GPR161: variants seen among roughly 807,000 people sequenced by gnomAD.
The protein encoded by GPR161 is G-protein coupled receptor RE2.
Under a neutral mutation model 39.2 loss-of-function variants are expected in GPR161, and 25 were observed. The ratio of observed to expected loss-of-function variants is 0.64; its 90% CI spans 0.47 to 0.89. The LOEUF (loss-of-function observed/expected upper bound fraction) is 0.89, where lower values mean the gene tolerates loss of function less well. Ranked by LOEUF, GPR161 falls within the 40% of genes least tolerant of loss-of-function variation. The pLI, the probability that GPR161 is intolerant of heterozygous loss-of-function variation, is 0.00. For missense variants in GPR161, 547 were observed against 677.8 expected (o/e 0.81, Z 2.14); for synonymous variants, 286 against 276.6 (o/e 1.03, Z -0.34).
At chr1:168,087,334 G>GTGTGT (rs1558085252) in intron 5 of GPR161, among the ~76,000 whole-genome samples, 1 of 148,684 alleles carries the variant, frequency 6.7e-6, no homozygotes, top group African/African-American at 2.5e-5. Context: ...AACACGTGTG[G>GTGTGT]GTGTGTGTGT....
At chr1:168,119,622 C>T (rs1427851463) in intron 1 of GPR161, among the ~76,000 whole-genome samples, 1 of 152,124 alleles carries the variant, frequency 6.6e-6, no homozygotes, top group Non-Finnish European at 1.5e-5. Context: ...TACCACTCAA[C>T]TGTGCACTTA....
rs1282345106 is a variant in GPR161 at position 168,083,316 on chromosome 1, C to T, written c.*2215G>A. 1 of 152,158 alleles carries T rather than the reference C, an allele frequency of 6.6e-6. No homozygotes were observed. Among genetic ancestry groups the T allele is most frequent in the Non-Finnish European group, 1.5e-5 (1 of 68,056 alleles). The allele number at this position is 152,158 out of a possible 1,614,324, so 9.4% of individuals were successfully genotyped here. A position where few individuals can be genotyped will look rare whatever the true frequency, so the allele number is the denominator to read the frequency against. On this transcript the variant is annotated 3_prime_UTR_variant, in exon 6 of 6. Coordinates refer to ENST00000682931, the MANE Select transcript of GPR161 (RefSeq NM_001375883.1). ...AGATTTAGATTAAATTCTATAATAG[C>T]CCAGCTAGTGTGGGGTCAGTGGGGG...
chr1:168,113,434 C>T (rs1697385809), intron 1 of GPR161, among the ~76,000 whole-genome samples: 1 of 152,230 alleles, frequency 6.6e-6, no homozygotes, highest in Non-Finnish European at 1.5e-5. Context: ...ATTGTGGTCA[C>T]TCCTCTTTTG....
chr1:168,135,642 T>G (rs1699297839), intron 1 of GPR161, among the ~76,000 whole-genome samples: 1 of 147,296 alleles, frequency 6.8e-6, no homozygotes. Flanking sequence ...AGAACTCATC[T>G]GGAGGTCCAG....
chr1:168,103,159 C>T (rs1487852887), intron 2 of GPR161, among the ~76,000 whole-genome samples: 1 of 152,134 alleles, frequency 6.6e-6, no homozygotes, highest in Non-Finnish European at 1.5e-5. Flanking sequence ...TTATATACCT[C>T]CACAGGATGG....
At chr1:168,113,041 C>A (rs1224217455) in intron 1 of GPR161, among the ~76,000 whole-genome samples, 1 of 152,168 alleles carries the variant, frequency 6.6e-6, no homozygotes, top group African/African-American at 2.4e-5. Context: ...CAAGCCCCAG[C>A]AAATCCCTCA....
At chr1:168,110,676 CACTTTGG>C (rs1697092841) in intron 1 of GPR161, among the ~76,000 whole-genome samples, 1 of 151,962 alleles carries the variant, frequency 6.6e-6, no homozygotes. Context: ...GTAATCCCAG[CACTTTGG>C]GAGGCTGAGG....
chr1:168,084,544 ACCAGG>A lies in GPR161; in HGVS notation c.*982_*986del, dbSNP rs1253726627. Reference sequence around the variant, plus strand: ...CCAGGGCTGCTTCTATCTTATTTATACCAGGCTTGTGATAATAGTAACTGTTGCTC... The same window carrying A: ...CCAGGGCTGCTTCTATCTTATTTATACTTGTGATAATAGTAACTGTTGCTC... On this transcript the variant is annotated 3_prime_UTR_variant, in exon 6 of 6. Coordinates refer to ENST00000682931, the MANE Select transcript of GPR161 (RefSeq NM_001375883.1). 2 of 349,122 alleles carry A rather than the reference ACCAGG, an allele frequency of 5.7e-6. No individual in the cohort carries two copies. Among genetic ancestry groups the A allele is most frequent in the African/African-American group, 4.3e-5 (2 of 46,500 alleles). 21.6% of individuals were successfully genotyped at this position (349,122 alleles called of 1,614,324 possible).
At chr1:168,116,677 T>C (rs558458333) in intron 1 of GPR161, among the ~76,000 whole-genome samples, 2 of 152,228 alleles carry the variant, frequency 1.3e-5, no homozygotes, top group East Asian at 3.9e-4. Context: ...CCTTCATCCT[T>C]CCCTGGCACT....
intron 1 of GPR161, among the ~76,000 whole-genome samples, chr1:168,132,650 C>A (rs1699088229): frequency 6.6e-6 from 1 of 151,796 alleles, no homozygotes; most frequent in South Asian, 2.1e-4. Flanking sequence ...TTTTAATGCC[C>A]TATGTAGAAC....
chr1:168,096,020 G>A (rs1695489882), intron 3 of GPR161, among the ~76,000 whole-genome samples: 1 of 151,162 alleles, frequency 6.6e-6, no homozygotes, highest in Non-Finnish European at 1.5e-5. Flanking sequence ...TATAATCCCA[G>A]CTACTTGGGA....
At position 168,085,004 on chromosome 1, in the gene GPR161, G is replaced by C. The variant is rs1479236567; in HGVS notation, c.*527C>G. The C allele has an allele frequency of 2.2e-6, 1 of 456,374 alleles. No individual in the cohort carries two copies. Among genetic ancestry groups the C allele is most frequent in the Admixed American group, 2.3e-5 (1 of 42,582 alleles). 28.3% of individuals were successfully genotyped at this position (456,374 alleles called of 1,614,324 possible). On this transcript the variant is annotated 3_prime_UTR_variant, in exon 6 of 6. Transcript: ENST00000682931. Reference sequence around the variant, plus strand: ...CTCTGCGGACCAGTCCTAGAACTGAGGGTCCCACACTGCCCGCATCAACCA... The same window carrying C: ...CTCTGCGGACCAGTCCTAGAACTGACGGTCCCACACTGCCCGCATCAACCA...
intron 3 of GPR161, among the ~76,000 whole-genome samples, chr1:168,092,063 CAGGCTTCTCTCAGA>C (rs1365281206): frequency 1.3e-5 from 2 of 152,220 alleles, no homozygotes; most frequent in African/African-American, 4.8e-5. Flanking sequence ...GTGGTCACAG[CAGGCTTCTCTCAGA>C]ACTTCCCTCT....
intron 4 of GPR161, chr1:168,088,603 C>T (rs1558087359): frequency 6.6e-6 from 1 of 152,214 alleles, no homozygotes; most frequent in South Asian, 2.1e-4. Context: ...TATCTTTCCA[C>T]GTCTGTAAAC....
rs191533339 is a variant in GPR161 at position 168,098,719 on chromosome 1, T to A, written c.375-1487A>T. The stretch of plus-strand genomic sequence containing the variant: ...GGATCTATCCTGGAAAGAGAGCATT[T>A]CCGGCTATGCGGCCTGAGGAGAAGA... On this transcript the variant is annotated intron_variant, in intron 2 of 5. Coordinates refer to ENST00000682931, the MANE Select transcript of GPR161 (RefSeq NM_001375883.1). The surrounding 1 kb of genome is among the most constrained non-coding windows in gnomAD (Gnocchi z 4.1). Among the ~76,000 whole-genome samples, 40 of 152,328 alleles carry A rather than the reference T, an allele frequency of 2.6e-4. No individual in the cohort carries two copies. In the East Asian group the frequency reaches 3.7e-3, roughly 14 times the overall value.
intron 1 of GPR161, chr1:168,118,861 G>A (rs538111228): frequency 7.9e-5 from 12 of 152,148 alleles, no homozygotes; most frequent in African/African-American, 2.6e-4. Flanking sequence ...CATCACTAAT[G>A]ATTTAGGTAA....
At chr1:168,131,264 G>T (rs2102264047) in intron 1 of GPR161, among the ~76,000 whole-genome samples, 1 of 149,384 alleles carries the variant, frequency 6.7e-6, no homozygotes, top group African/African-American at 2.5e-5. Context: ...TTGCCAGACT[G>T]ATTGTCCCCT....
At chr1:168,128,593 C>A (rs1698762346) in intron 1 of GPR161, among the ~76,000 whole-genome samples, 1 of 152,180 alleles carries the variant, frequency 6.6e-6, no homozygotes, top group East Asian at 1.9e-4. Context: ...CCTTCCATAA[C>A]ATACACATGC....
At chr1:168,091,570 G>A (rs1042258904) in intron 3 of GPR161, among the ~76,000 whole-genome samples, 1 of 152,080 alleles carries the variant, frequency 6.6e-6, no homozygotes, top group Non-Finnish European at 1.5e-5. Context: ...GCTTCCCTGT[G>A]GTTTTCTAGG....
Sources: gnomAD v4.1 joint callset for allele counts (sites outside exome capture counted in the v4.1 genomes callset) on GRCh38, gnomAD v4.1.1 for gene constraint, Gnocchi (gnomAD v3.1) non-coding constraint, MANE v1.5 for transcripts, NCBI Gene and HGNC (gene_info 2026-07-23, HGNC 2026-07-21) for gene names.